HS3ST4: variants seen among roughly 807,000 people sequenced by gnomAD.
HS3ST4 encodes heparan sulfate glucosamine 3-O-sulfotransferase 4.
HS3ST4 carries 17 observed loss-of-function variants against 29.2 expected under a neutral mutation model. The observed-to-expected ratio is 0.58, with a 90% CI of 0.40 to 0.87. HS3ST4 has a LOEUF of 0.87. Among genes scored for constraint, HS3ST4 ranks in the 40% least tolerant of loss-of-function variants. The pLI is 0.00. For synonymous variants in HS3ST4, 314 were observed against 285.7 expected (o/e 1.10, Z -1.00); for missense variants, 627 against 634.5 (o/e 0.99, Z 0.13).
intron 1 of HS3ST4, among the ~76,000 whole-genome samples, chr16:25,846,724 A>G (rs1233234303): frequency 6.6e-6 from 1 of 152,042 alleles, no homozygotes; most frequent in Non-Finnish European, 1.5e-5. Context: ...CATAGTTTTG[A>G]TTATATATAT....
At chr16:25,886,391 G>A (rs905217525) in intron 1 of HS3ST4, among the ~76,000 whole-genome samples, 3 of 152,060 alleles carry the variant, frequency 2.0e-5, no homozygotes, top group Non-Finnish European at 4.4e-5. Context: ...AAAGTCAACC[G>A]GCAGAACACC....
intron 1 of HS3ST4, among the ~76,000 whole-genome samples, chr16:25,741,365 TAAAA>T (rs66788248): frequency 1.5e-5 from 1 of 66,194 alleles, no homozygotes; most frequent in East Asian, 6.0e-4. Context: ...GAATTCAAGG[TAAAA>T]AAAAAAAAAA....
At chr16:26,037,077 A>G (rs1357538616) in intron 1 of HS3ST4, among the ~76,000 whole-genome samples, 1 of 152,078 alleles carries the variant, frequency 6.6e-6, no homozygotes, top group Non-Finnish European at 1.5e-5. Flanking sequence ...AAGGTATCTC[A>G]CTTCCCTTGG....
intron 1 of HS3ST4, among the ~76,000 whole-genome samples, chr16:26,091,305 G>C (rs1015351887): frequency 1.3e-5 from 2 of 152,184 alleles, no homozygotes; most frequent in African/African-American, 2.4e-5. Context: ...CAGGTGTGTT[G>C]TTGGATAGAT....
intron 1 of HS3ST4, among the ~76,000 whole-genome samples, chr16:25,904,053 T>C (rs1968150125): frequency 6.6e-6 from 1 of 151,980 alleles, no homozygotes; most frequent in Non-Finnish European, 1.5e-5. Flanking sequence ...GATGAAACGA[T>C]GGATGGATGA....
intron 1 of HS3ST4, among the ~76,000 whole-genome samples, chr16:26,013,838 T>C (rs941202269): frequency 2.6e-5 from 4 of 151,818 alleles, no homozygotes; most frequent in Non-Finnish European, 5.9e-5. Context: ...TGAAACCCCA[T>C]CTCTACTAAA....
intron 1 of HS3ST4, among the ~76,000 whole-genome samples, chr16:26,074,293 A>T (rs1898633696): frequency 6.6e-6 from 1 of 151,592 alleles, no homozygotes; most frequent in Admixed American, 6.6e-5. Context: ...TTCACAAACA[A>T]TTTTTTTTTC....
At chr16:25,926,638 C>G (rs997023782) in intron 1 of HS3ST4, among the ~76,000 whole-genome samples, 3 of 152,186 alleles carry the variant, frequency 2.0e-5, no homozygotes, top group Non-Finnish European at 4.4e-5. Flanking sequence ...TTAACCTTTA[C>G]TTAAATTGAA....
At chr16:26,035,940 C>T (rs1195628270) in intron 1 of HS3ST4, among the ~76,000 whole-genome samples, 1 of 152,134 alleles carries the variant, frequency 6.6e-6, no homozygotes, top group Non-Finnish European at 1.5e-5. Flanking sequence ...TTTCTCAAAG[C>T]CAAATACAGG....
At chr16:25,751,061 G>T (rs765260599) in intron 1 of HS3ST4, among the ~76,000 whole-genome samples, 57 of 152,300 alleles carry the variant, frequency 3.7e-4, no homozygotes, top group Non-Finnish European at 6.5e-4. Flanking sequence ...CACTTGATGT[G>T]CTCATAGATA....
intron 1 of HS3ST4, among the ~76,000 whole-genome samples, chr16:25,926,731 AG>A (rs1428666066): frequency 6.6e-6 from 1 of 152,248 alleles, no homozygotes; most frequent in African/African-American, 2.4e-5. Flanking sequence ...TTGTAGTACC[AG>A]ACCTTAGATC....
chr16:25,811,426 T>A (rs1219300429), intron 1 of HS3ST4, among the ~76,000 whole-genome samples: 4 of 118,294 alleles, frequency 3.4e-5, no homozygotes, highest in Non-Finnish European at 6.5e-5. Context: ...CTTCTTCTTT[T>A]TTTTTTTTTC....
At position 25,817,398 on chromosome 16, in the gene HS3ST4, T is replaced by C. The variant is rs189993851; in HGVS notation, c.734+124247T>C. Among the ~76,000 whole-genome samples the C allele has an allele frequency of 2.2e-3, 331 of 152,360 alleles. 1 individual carries two copies. Among genetic ancestry groups the C allele is most frequent in the African/African-American group, 7.7e-3 (322 of 41,580 alleles). ...GAAGTGTTTTAGGTTTTGAGGGTCA[T>C]ACAACCTCGTTGCGGCTACTTAACT... On this transcript the variant is annotated intron_variant, in intron 1 of 1. Coordinates refer to ENST00000331351, the MANE Select transcript of HS3ST4 (RefSeq NM_006040.3).
chr16:25,916,574 C>G (rs532837316), intron 1 of HS3ST4, among the ~76,000 whole-genome samples: 1 of 151,486 alleles, frequency 6.6e-6, no homozygotes, highest in Admixed American at 6.6e-5. Flanking sequence ...GTTGGTCAGG[C>G]TCGTCTGAAA....
At chr16:26,113,642 A>G (rs973609917) in intron 1 of HS3ST4, among the ~76,000 whole-genome samples, 5 of 152,060 alleles carry the variant, frequency 3.3e-5, no homozygotes, top group Admixed American at 2.6e-4. Context: ...TTGGTCAACC[A>G]TTTATCAGAG....
intron 1 of HS3ST4, among the ~76,000 whole-genome samples, chr16:25,722,866 C>G (rs1966506965): frequency 1.3e-5 from 2 of 152,136 alleles, no homozygotes; most frequent in African/African-American, 4.8e-5. Context: ...AGTCTGTTTT[C>G]ATGCTGCTGA....
intron 1 of HS3ST4, among the ~76,000 whole-genome samples, chr16:26,085,394 T>G (rs1898774482): frequency 6.6e-6 from 1 of 152,222 alleles, no homozygotes; most frequent in African/African-American, 2.4e-5. Flanking sequence ...GTATCATAGA[T>G]TATTAGTGAA....
chr16:25,789,567 G>A (rs963763147), intron 1 of HS3ST4, among the ~76,000 whole-genome samples: 3 of 143,930 alleles, frequency 2.1e-5, no homozygotes, highest in Non-Finnish European at 4.5e-5. Flanking sequence ...AAAAAATAAT[G>A]ATGAATACAA....
At chr16:25,984,433 G>A (rs766639469) in intron 1 of HS3ST4, among the ~76,000 whole-genome samples, 7 of 152,180 alleles carry the variant, frequency 4.6e-5, no homozygotes, top group Non-Finnish European at 8.8e-5. Flanking sequence ...GTGGAGCTCA[G>A]GGGATAATGC....
Sources: gnomAD v4.1 joint callset for allele counts (sites outside exome capture counted in the v4.1 genomes callset) on GRCh38, gnomAD v4.1.1 for gene constraint, MANE v1.5 for transcripts, NCBI Gene and HGNC (gene_info 2026-07-23, HGNC 2026-07-21) for gene names.